EFR3A: variants seen among roughly 807,000 people sequenced by gnomAD.
EFR3A encodes the protein EFR3 homolog A.
EFR3A carries 76 observed loss-of-function variants against 104.4 expected under a neutral mutation model. The observed-to-expected ratio is 0.73, with a 90% CI of 0.60 to 0.88. The LOEUF is 0.88. Ranked by LOEUF, EFR3A falls within the 40% of genes least tolerant of loss-of-function variation. The pLI is 0.00. For synonymous variants in EFR3A, 330 were observed against 330.0 expected, an observed-to-expected ratio of 1.00 and a Z score of 0.00; for missense variants, 985 against 1,012.5, an observed-to-expected ratio of 0.97 and a Z score of 0.37.
intron 22 of EFR3A, among the ~76,000 whole-genome samples, chr8:132,007,904 A>G (rs1822126317): frequency 6.6e-6 from 1 of 152,130 alleles, no homozygotes; most frequent in Admixed American, 6.6e-5. Flanking sequence ...TAAAAGAAAA[A>G]TACTAATCTC....
At chr8:131,905,881 T>C (rs760562234) in intron 1 of EFR3A, among the ~76,000 whole-genome samples, 5 of 152,256 alleles carry the variant, frequency 3.3e-5, no homozygotes, top group Non-Finnish European at 5.9e-5. Context: ...TTTTTAGTTA[T>C]GTTCTAGGGT....
chr8:131,979,492 A>G, intron 14 of EFR3A, 71 bp downstream of exon 14: 1 of 1,099,022 alleles, frequency 9.1e-7, no homozygotes, highest in East Asian at 2.6e-5. Context: ...GTGGTTTTAT[A>G]TTGATCTGTG....
chr8:131,952,934 G>A (rs1818780002), intron 5 of EFR3A, among the ~76,000 whole-genome samples: 2 of 152,090 alleles, frequency 1.3e-5, no homozygotes, highest in Non-Finnish European at 1.5e-5. Context: ...CAACTAATTG[G>A]TGAGTATTTT....
chr8:131,987,805 T>A, intron 18 of EFR3A, 103 bp downstream of exon 18: 1 of 1,254,184 alleles, frequency 8.0e-7, no homozygotes, highest in Non-Finnish European at 1.1e-6. Context: ...GTGTGTGTCC[T>A]TACTATAGCC....
At chr8:131,983,032 G>A (rs1820696877) in intron 14 of EFR3A, among the ~76,000 whole-genome samples, 1 of 152,082 alleles carries the variant, frequency 6.6e-6, no homozygotes, top group Admixed American at 6.6e-5. Context: ...CCTCCTTACG[G>A]GGATGGGACC....
chr8:131,930,933 A>G (rs1817569306), intron 1 of EFR3A, among the ~76,000 whole-genome samples: 1 of 152,160 alleles, frequency 6.6e-6, no homozygotes, highest in Non-Finnish European at 1.5e-5. Context: ...TGCATAACTT[A>G]GGTAAGGACA....
chr8:131,987,776 A>G (rs1820966713), intron 18 of EFR3A, 74 bp downstream of exon 18: 1 of 1,462,918 alleles, frequency 6.8e-7, no homozygotes, highest in African/African-American at 1.4e-5. Flanking sequence ...TACCCAGTTA[A>G]CAATGAAAAT....
chr8:131,955,356 ATTTT>A (rs1818923523), intron 6 of EFR3A, among the ~76,000 whole-genome samples: 1 of 152,058 alleles, frequency 6.6e-6, no homozygotes, highest in Admixed American at 6.6e-5. Context: ...TTTAAATTTT[ATTTT>A]TTATTTACAG....
intron 8 of EFR3A, among the ~76,000 whole-genome samples, chr8:131,959,928 G>A (rs1047153908): frequency 1.3e-5 from 2 of 152,194 alleles, no homozygotes; most frequent in Non-Finnish European, 2.9e-5. Context: ...ACAGTCTCCT[G>A]CTATCCCCTG....
chr8:131,987,541 TACTG>T, intron 17 of EFR3A, 30 bp from the exon 18 acceptor site: 1 of 1,564,312 alleles, frequency 6.4e-7, no homozygotes, highest in Non-Finnish European at 8.6e-7. Flanking sequence ...AGTAATTTAA[TACTG>T]AATGATTGTT....
chr8:131,999,167 A>G (rs997096374), intron 19 of EFR3A, among the ~76,000 whole-genome samples: 2 of 152,154 alleles, frequency 1.3e-5, no homozygotes, highest in African/African-American at 4.8e-5. Flanking sequence ...AATTTTGAGT[A>G]TATGTTAAAT....
At chr8:131,928,084 G>T (rs1817389983) in intron 1 of EFR3A, among the ~76,000 whole-genome samples, 1 of 152,142 alleles carries the variant, frequency 6.6e-6, no homozygotes, top group Non-Finnish European at 1.5e-5. Flanking sequence ...GGAACTTCTT[G>T]AAGACATACA....
At position 131,978,897 on chromosome 8, in the gene EFR3A, T is replaced by C. The variant is rs753280686; in HGVS notation, c.1377T>C (p.Ser459=). The stretch of plus-strand genomic sequence containing the variant: ...CGATTGTTACTGCACTGCCAGGGTC[T>C]TTCCTGGATCCTTTGTTATCACCAT... ...AKTIVTALPG[S]FLDPLLSPSL... The change falls in exon 13 of 23, where the codon TCT becomes TCC. Residue 459 remains serine, a synonymous_variant. Transcript: ENST00000254624. The C allele has an allele frequency of 6.2e-7, 1 of 1,612,156 alleles. No individual in the cohort carries two copies. The highest frequency in any genetic ancestry group is 1.1e-5 in the South Asian group (1 of 90,640).
chr8:131,968,101 T>C (rs1417086150), intron 8 of EFR3A, among the ~76,000 whole-genome samples, 194 bp from the exon 9 acceptor site: 1 of 152,104 alleles, frequency 6.6e-6, no homozygotes, highest in African/African-American at 2.4e-5. Context: ...TCACTCAGAG[T>C]GTCATAAATA....
chr8:131,905,625 T>G (rs1185875670), intron 1 of EFR3A, among the ~76,000 whole-genome samples: 1 of 152,240 alleles, frequency 6.6e-6, no homozygotes, highest in Non-Finnish European at 1.5e-5. Flanking sequence ...AGTAAATATG[T>G]CCAGTTTAAA....
At chr8:131,910,314 C>T (rs1390967746) in intron 1 of EFR3A, among the ~76,000 whole-genome samples, 2 of 152,178 alleles carry the variant, frequency 1.3e-5, no homozygotes, top group African/African-American at 4.8e-5. Flanking sequence ...CTCTGTAGCC[C>T]AAGCTGGAGT....
chr8:131,998,730 G>GATTTT (rs565955731), intron 19 of EFR3A, among the ~76,000 whole-genome samples: 87 of 151,974 alleles, frequency 5.7e-4, no homozygotes, highest in Non-Finnish European at 1.0e-3. Context: ...TAAAGCAGTT[G>GATTTT]ATTTTATACC....
intron 7 of EFR3A, among the ~76,000 whole-genome samples, chr8:131,957,102 ATTAAT>A (rs1469203274): frequency 6.6e-6 from 1 of 152,174 alleles, no homozygotes; most frequent in Non-Finnish European, 1.5e-5. Flanking sequence ...GTATTAGTTA[ATTAAT>A]TAAATTAATC....
At chr8:131,966,116 C>T (rs957409822) in intron 8 of EFR3A, among the ~76,000 whole-genome samples, 2 of 151,984 alleles carry the variant, frequency 1.3e-5, no homozygotes, top group Non-Finnish European at 2.9e-5. Context: ...ACGTAAATGA[C>T]GAGTTAATGG....
Sources: allele counts gnomAD v4.1 joint callset (sites outside exome capture counted in the v4.1 genomes callset), GRCh38; gene constraint gnomAD v4.1.1; transcripts MANE v1.5; gene names NCBI Gene and HGNC (gene_info 2026-07-23, HGNC 2026-07-21).